The following SGCZ variants were observed in gnomAD, a reference collection of about 807,000 sequenced individuals.
SGCZ encodes zeta-sarcoglycan.
A neutral mutation model predicts 41.3 loss-of-function variants in SGCZ; 40 were observed. The ratio of observed to expected loss-of-function variants is 0.97; its 90% CI spans 0.75 to 1.26. SGCZ has a LOEUF of 1.26. Ranked by LOEUF, SGCZ falls within the 50% of genes most tolerant of loss-of-function variation. SGCZ has a pLI of 0.00. For missense variants in SGCZ, 552 were observed against 369.8 expected, an observed-to-expected ratio of 1.49 and a Z score of -4.04; for synonymous variants, 206 against 137.5, an observed-to-expected ratio of 1.50 and a Z score of -3.49.
At chr8:15,065,952 A>C (rs893269573) in intron 1 of SGCZ, among the ~76,000 whole-genome samples, 3 of 152,152 alleles carry the variant, frequency 2.0e-5, no homozygotes. Context: ...CTTCCTTTTT[A>C]AATCTTAAGT....
rs1035903291 is a variant in SGCZ at position 14,436,641 on chromosome 8, G to C, written c.235-112437C>G. Reference sequence around the variant, plus strand: ...TAGCCATTACATTCTTCACTGTTAGGATCCTGCAAGATGAAGTGTTTCTCT... The same window carrying C: ...TAGCCATTACATTCTTCACTGTTAGCATCCTGCAAGATGAAGTGTTTCTCT... On this transcript the variant is annotated intron_variant, in intron 2 of 7. Coordinates refer to ENST00000382080, the MANE Select transcript of SGCZ (RefSeq NM_139167.4). Among the ~76,000 whole-genome samples the C allele has an allele frequency of 2.6e-5, 4 of 152,316 alleles. No individual in the cohort carries two copies. In the East Asian group the frequency reaches 5.8e-4, roughly 22 times the overall value.
chr8:14,100,902 G>A (rs936956404), intron 7 of SGCZ, among the ~76,000 whole-genome samples: 1 of 151,414 alleles, frequency 6.6e-6, no homozygotes, highest in Admixed American at 6.6e-5. Context: ...GACCTTTGTG[G>A]GCTCATAATT....
intron 2 of SGCZ, among the ~76,000 whole-genome samples, chr8:14,396,444 C>T (rs1054839868): frequency 3.3e-5 from 5 of 152,086 alleles, no homozygotes; most frequent in African/African-American, 9.7e-5. Context: ...AGAATTTGAT[C>T]ACTTAGGCGT....
At chr8:14,490,433 A>AT (rs1167579445) in intron 2 of SGCZ, among the ~76,000 whole-genome samples, 1 of 152,188 alleles carries the variant, frequency 6.6e-6, no homozygotes, top group African/African-American at 2.4e-5. Context: ...ATACCAATAT[A>AT]TTTTGAGTAT....
At chr8:15,210,810 A>G (rs1376871615) in intron 1 of SGCZ, among the ~76,000 whole-genome samples, 1 of 151,994 alleles carries the variant, frequency 6.6e-6, no homozygotes, top group Non-Finnish European at 1.5e-5. Flanking sequence ...TCTGAAAGCA[A>G]TCTCCTATTG....
intron 1 of SGCZ, among the ~76,000 whole-genome samples, chr8:14,792,722 A>G (rs1800995547): frequency 6.6e-6 from 1 of 151,998 alleles, no homozygotes. Flanking sequence ...AACAGAATCA[A>G]TACCCCCTTT....
intron 2 of SGCZ, among the ~76,000 whole-genome samples, chr8:14,327,410 C>A (rs1362041408): frequency 2.0e-5 from 3 of 152,108 alleles, no homozygotes; most frequent in Non-Finnish European, 4.4e-5. Context: ...AGTGACTGTC[C>A]ATATATATTC....
At chr8:14,967,605 C>A (rs984307509) in intron 1 of SGCZ, among the ~76,000 whole-genome samples, 5 of 152,170 alleles carry the variant, frequency 3.3e-5, no homozygotes, top group Admixed American at 3.3e-4. Context: ...ACTCACTGTA[C>A]TTTTCCATCC....
chr8:14,878,184 T>C (rs2130716929), intron 1 of SGCZ, among the ~76,000 whole-genome samples: 1 of 151,430 alleles, frequency 6.6e-6, no homozygotes, highest in East Asian at 1.9e-4. Flanking sequence ...GCAGTCTTCT[T>C]TTTTTCTTTT....
intron 3 of SGCZ, among the ~76,000 whole-genome samples, chr8:14,305,828 T>C (rs1801331941): frequency 6.6e-6 from 1 of 152,164 alleles, no homozygotes; most frequent in African/African-American, 2.4e-5. Flanking sequence ...TTAGTAAACT[T>C]GCCCCTAAGC....
intron 1 of SGCZ, among the ~76,000 whole-genome samples, chr8:15,204,053 A>T (rs1800981587): frequency 6.6e-6 from 1 of 152,210 alleles, no homozygotes; most frequent in South Asian, 2.1e-4. Flanking sequence ...TTGTGGCCAT[A>T]ATTAACTTTT....
chr8:14,754,071 A>G (rs1241991907), intron 1 of SGCZ, among the ~76,000 whole-genome samples: 1 of 152,242 alleles, frequency 6.6e-6, no homozygotes, highest in Admixed American at 6.5e-5. Context: ...CCATGTCAAC[A>G]GAGTTCTGCA....
chr8:15,213,055 T>G (rs1331296700), intron 1 of SGCZ, among the ~76,000 whole-genome samples: 1 of 152,016 alleles, frequency 6.6e-6, no homozygotes, highest in Admixed American at 6.6e-5. Flanking sequence ...AAGCATTTAA[T>G]ACCATATTTT....
chr8:14,576,223 C>T (rs1234321894), intron 1 of SGCZ, among the ~76,000 whole-genome samples: 1 of 151,992 alleles, frequency 6.6e-6, no homozygotes, highest in Non-Finnish European at 1.5e-5. Context: ...CTGTCTATGT[C>T]GGCATATTGA....
intron 2 of SGCZ, among the ~76,000 whole-genome samples, chr8:14,326,111 C>CAAAAAAAAAAAAAAAA (rs56152915): frequency 0.051 from 1,930 of 37,882 alleles, 802 homozygotes; most frequent in Non-Finnish European, 0.06. Flanking sequence ...GACTCCGTCT[C>CAAAAAAAAAAAAAAAA]AAAAAAAAAA....
intron 1 of SGCZ, among the ~76,000 whole-genome samples, chr8:15,152,529 G>A (rs1399064523): frequency 6.6e-6 from 1 of 152,186 alleles, no homozygotes; most frequent in Non-Finnish European, 1.5e-5. Context: ...GTCAAAACAG[G>A]TGGAGGCAAC....
intron 2 of SGCZ, among the ~76,000 whole-genome samples, chr8:14,384,216 T>A (rs1804482781): frequency 6.6e-6 from 1 of 152,060 alleles, no homozygotes. Flanking sequence ...ACATGCGGTG[T>A]TCGGTTTTTT....
intron 1 of SGCZ, among the ~76,000 whole-genome samples, chr8:14,862,778 G>A (rs1310207113): frequency 2.0e-5 from 3 of 151,778 alleles, no homozygotes; most frequent in African/African-American, 7.3e-5. Flanking sequence ...GAGAGCAGGA[G>A]GTGTATGAGC....
At chr8:15,225,565 G>A (rs1221337487) in intron 1 of SGCZ, among the ~76,000 whole-genome samples, 1 of 152,144 alleles carries the variant, frequency 6.6e-6, no homozygotes, top group African/African-American at 2.4e-5. Flanking sequence ...CTTTTCCAGA[G>A]AGCCTGGAAA....
Sources: gnomAD v4.1 joint callset for allele counts (sites outside exome capture counted in the v4.1 genomes callset) on GRCh38, gnomAD v4.1.1 for gene constraint, MANE v1.5 for transcripts, NCBI Gene and HGNC (gene_info 2026-07-23, HGNC 2026-07-21) for gene names.